The following ABAT variants were observed in gnomAD, a reference collection of about 807,000 sequenced individuals.
ABAT encodes the protein 4-aminobutyrate aminotransferase, also known as 4-aminobutyrate aminotransferase, mitochondrial.
A neutral mutation model predicts 64.6 loss-of-function variants in ABAT; 45 were observed. The ratio of observed to expected loss-of-function variants is 0.70; its 90% CI spans 0.55 to 0.89. The LOEUF (loss-of-function observed/expected upper bound fraction) is 0.89. Among genes scored for constraint, ABAT ranks in the 40% least tolerant of loss-of-function variants. The pLI is 0.00. For synonymous variants in ABAT, 297 were observed against 250.5 expected, an observed-to-expected ratio of 1.19 and a Z score of -1.75; for missense variants, 633 against 658.4, an observed-to-expected ratio of 0.96 and a Z score of 0.42.
intron 11 of ABAT, among the ~76,000 whole-genome samples, chr16:8,771,773 T>C (rs2060117591): frequency 6.6e-6 from 1 of 151,876 alleles, no homozygotes; most frequent in African/African-American, 2.4e-5. Context: ...CCAGCCTCTT[T>C]CTTTTTAACA....
intron 2 of ABAT, 55 bp downstream of exon 2, chr16:8,735,864 C>A: frequency 1.4e-6 from 2 of 1,478,576 alleles, no homozygotes; most frequent in African/African-American, 1.4e-5. Context: ...ACCATCCAGA[C>A]TAGGGATTCC....
rs386384172 is a variant in ABAT, at chr16:8,707,353, A to ATTTTTTTTTTTTTTTTTTTTTTTTTTTTT, written c.-41-28329_-41-28328insTTTTTTTTTTTTTTTTTTTTTTTTTTTTT. Among the ~76,000 whole-genome samples, 2 of 123,946 alleles carry ATTTTTTTTTTTTTTTTTTTTTTTTTTTTT rather than the reference A, an allele frequency of 1.6e-5. 1 individual carries two copies. The highest frequency in any genetic ancestry group is 6.6e-5 in the African/African-American group (2 of 30,148). The allele number at this position is 123,946 out of a possible 152,430, so 81.3% of individuals were successfully genotyped here. ...AGGCACACACTACCATGCCAGGGTA[A>ATTTTTTTTTTTTTTTTTTTTTTTTTTTTT]TTTTTTTTTTTTTTTTTAGCGGAGA... On this transcript the variant is annotated intron_variant, in intron 1 of 15. Transcript: ENST00000268251.
intron 1 of ABAT, among the ~76,000 whole-genome samples, chr16:8,718,181 G>C (rs1351380243): frequency 6.6e-6 from 1 of 152,174 alleles, no homozygotes; most frequent in Non-Finnish European, 1.5e-5. Context: ...AGATGAAGCA[G>C]AACAAATGTC....
At chr16:8,746,210 A>G (rs879472618) in intron 3 of ABAT, 112 bp downstream of exon 3, 38 of 827,260 alleles carry the variant, frequency 4.6e-5, no homozygotes, top group Non-Finnish European at 6.6e-5. Flanking sequence ...GCTTTCAGAG[A>G]GTTCACCACC....
chr16:8,764,856 C>T lies in ABAT; in HGVS notation c.540+26C>T. ...GTGAGGTTTGGGGCACACACACACA[C>T]ACACACACAGGCTCCCCAGCACCCA... On this transcript the variant is annotated intron_variant, in intron 8 of 15. Transcript: ENST00000268251. This position sits in a 1 kb window ranked among gnomAD's most constrained non-coding sequence, Gnocchi z 4.2. 3 of 1,586,396 alleles carry T rather than the reference C, an allele frequency of 1.9e-6. No homozygotes were observed. The highest frequency in any genetic ancestry group is 2.6e-6 in the Non-Finnish European group (3 of 1,155,084).
chr16:8,727,625 T>C (rs1009770541), intron 1 of ABAT, among the ~76,000 whole-genome samples: 1 of 152,236 alleles, frequency 6.6e-6, no homozygotes, highest in African/African-American at 2.4e-5. Context: ...GTACATATCA[T>C]GCTGAGTTAT....
At chr16:8,737,835 GA>G (rs2058995675) in intron 2 of ABAT, among the ~76,000 whole-genome samples, 1 of 147,646 alleles carries the variant, frequency 6.8e-6, no homozygotes, top group Non-Finnish European at 1.5e-5. Flanking sequence ...GGCTGAGGCA[GA>G]AGAAGCACTT....
Position 8,768,938 on chromosome 16 carries a change from G to C in ABAT, c.781G>C (p.Glu261Gln). ...LKYPLEEFVK[E>Q]NQQEEARCLE... is the part of the protein sequence containing the mutation. The stretch of plus-strand genomic sequence containing the variant: ...ATACCCTCTGGAAGAGTTTGTGAAA[G>C]AGAACCAACAGGAGGAGGCCCGCTG... Residue 261 changes from glutamate (E) to glutamine (Q), a missense_variant, in exon 11 of 16, where the codon GAG (glutamate) becomes CAG (glutamine). Glu to Gln is a conservative substitution (Grantham distance 29, BLOSUM62 2). Transcript: ENST00000268251. 1.2e-6 allele frequency: 2 copies of C among 1,614,216 alleles called. No individual in the cohort carries two copies. The highest frequency in any genetic ancestry group is 1.1e-5 in the South Asian group (1 of 91,088).
In ABAT at chr16:8,774,988, C is replaced by T. The variant is rs772233141; in HGVS notation, c.1053C>T (p.Asp351=). The change falls in exon 13 of 16, where the codon GAC becomes GAT. Residue 351 remains aspartate, a synonymous_variant. Transcript: ENST00000268251. The part of the protein sequence containing the change: ...HEHWGLDDPA[D]VMTFSKKMMT... Reference sequence around the variant, plus strand: ...ACTGGGGCCTGGATGACCCAGCAGACGTGATGACCTTCAGCAAGAAGATGA... The same window carrying T: ...ACTGGGGCCTGGATGACCCAGCAGATGTGATGACCTTCAGCAAGAAGATGA... The T allele has an allele frequency of 1.9e-5, 31 of 1,614,008 alleles. No homozygotes were observed. Among genetic ancestry groups the T allele is most frequent in the Admixed American group, 1.5e-4 (9 of 60,004 alleles).
chr16:8,737,061 CT>C (rs2058963755), intron 2 of ABAT: 1 of 152,480 alleles, frequency 6.6e-6, no homozygotes, highest in Admixed American at 6.5e-5. Context: ...TTACTGCCTT[CT>C]GAAGACAAAC....
intron 1 of ABAT, chr16:8,731,357 T>A (rs1414010588): frequency 6.6e-6 from 1 of 152,168 alleles, no homozygotes; most frequent in Non-Finnish European, 1.5e-5. Flanking sequence ...CCAAAGAAAT[T>A]CTTTATATTC....
chr16:8,693,622 T>C (rs1297671029), intron 1 of ABAT, among the ~76,000 whole-genome samples: 2 of 152,058 alleles, frequency 1.3e-5, no homozygotes, highest in Non-Finnish European at 2.9e-5. Flanking sequence ...GCATGTGCCA[T>C]GATACTGGGC....
chr16:8,764,863 AC>A lies in ABAT; in HGVS notation c.540+34del. On this transcript the variant is annotated intron_variant, in intron 8 of 15. Transcript: ENST00000268251. This position sits in a 1 kb window ranked among gnomAD's most constrained non-coding sequence, Gnocchi z 4.2. Reference sequence around the variant, plus strand: ...TTGGGGCACACACACACACACACACACAGGCTCCCCAGCACCCAGCCACACG... The same window carrying A: ...TTGGGGCACACACACACACACACACAAGGCTCCCCAGCACCCAGCCACACG... The A allele has an allele frequency of 6.4e-7, 1 of 1,563,734 alleles. No individual in the cohort carries two copies. The highest frequency in any genetic ancestry group is 8.8e-7 in the Non-Finnish European group (1 of 1,134,526).
At chr16:8,729,336 T>C (rs1596429843) in intron 1 of ABAT, among the ~76,000 whole-genome samples, 1 of 152,112 alleles carries the variant, frequency 6.6e-6, no homozygotes, top group Admixed American at 6.6e-5. Flanking sequence ...AGTTTTGTTA[T>C]TAGCTGGATT....
chr16:8,724,145 G>C (rs1214917839), intron 1 of ABAT, among the ~76,000 whole-genome samples: 1 of 151,614 alleles, frequency 6.6e-6, no homozygotes, highest in Non-Finnish European at 1.5e-5. Context: ...CCAGCCCCAA[G>C]CTTTATATTC....
intron 4 of ABAT, among the ~76,000 whole-genome samples, chr16:8,750,075 C>CT (rs1343861502): frequency 3.3e-5 from 5 of 152,172 alleles, no homozygotes; most frequent in African/African-American, 4.8e-5. Context: ...ATTTTTATTT[C>CT]TTTAATGATT....
Position 8,776,023 on chromosome 16 carries a change from T to C in ABAT, c.1123-321T>C, listed in dbSNP as rs1004338990. Among the ~76,000 whole-genome samples the C allele has an allele frequency of 1.4e-4, 21 of 152,182 alleles. No individual in the cohort carries two copies. The highest frequency in any genetic ancestry group is 1.0e-4 in the Non-Finnish European group (7 of 68,028). On this transcript the variant is annotated intron_variant, in intron 13 of 15. Transcript: ENST00000268251. The surrounding 1 kb of genome is among the most constrained non-coding windows in gnomAD (Gnocchi z 4.4). ...TTCCTCCTGTATAAAATGAGGGTTA[T>C]AGGAGTTAAGGAACTGACTGTCTTG...
At chr16:8,714,002 A>C (rs1386241958) in intron 1 of ABAT, 1 of 434,088 alleles carries the variant, frequency 2.3e-6, no homozygotes, top group African/African-American at 2.0e-5. Flanking sequence ...GGGGGCACAC[A>C]CCCTTGTGCA....
intron 5 of ABAT, among the ~76,000 whole-genome samples, chr16:8,754,029 T>C (rs1345703786): frequency 5.3e-5 from 8 of 152,124 alleles, no homozygotes; most frequent in South Asian, 2.1e-4. Context: ...TCTGGCCACA[T>C]TGACATAAAG....
Sources: gnomAD v4.1 joint callset for allele counts (sites outside exome capture counted in the v4.1 genomes callset) on GRCh38, gnomAD v4.1.1 for gene constraint, Gnocchi (gnomAD v3.1) non-coding constraint, MANE v1.5 for transcripts, NCBI Gene and HGNC (gene_info 2026-07-23, HGNC 2026-07-21) for gene names.